The following GSE1 variants were observed in gnomAD, a reference collection of about 807,000 sequenced individuals.
GSE1 encodes genetic suppressor element 1.
A neutral mutation model predicts 112.6 loss-of-function variants in GSE1; 32 were observed. That is an observed-to-expected ratio of 0.28 (90% CI 0.21 to 0.38). The LOEUF (loss-of-function observed/expected upper bound fraction) is 0.38, where lower values mean the gene tolerates loss of function less well. GSE1 is among the 10% of genes least tolerant of loss of function. The probability of loss-of-function intolerance (pLI) is 1.00; values close to 1 mark genes in which losing one functional copy is unlikely to be tolerated. For missense variants in GSE1, 2,348 were observed against 1,699.2 expected (o/e 1.38, Z -6.71); for synonymous variants, 1,115 against 735.6 (o/e 1.52, Z -8.35).
rs548127129 is a variant in GSE1, at chr16:85,627,280, C to A, written c.8-6634C>A. On this transcript the variant is annotated intron_variant, in intron 1 of 15. Coordinates refer to ENST00000253458, the MANE Select transcript of GSE1 (RefSeq NM_014615.5). ...CGGTGCTGTGGGCTGCTGCTTCATTCTCCGTTTCCTGCCCTCTGGCTTCTG... is the reference window on the plus strand; with the variant it reads ...CGGTGCTGTGGGCTGCTGCTTCATTATCCGTTTCCTGCCCTCTGGCTTCTG... Among the ~76,000 whole-genome samples, 17 of 151,612 alleles carry A rather than the reference C, an allele frequency of 1.1e-4. No individual in the cohort carries two copies. The South Asian group carries it at 3.3e-3, about 30-fold the overall frequency.
chr16:85,416,740 G>T (rs986513553), intron 2 of GSE1, among the ~76,000 whole-genome samples: 37 of 152,358 alleles, frequency 2.4e-4, no homozygotes, highest in Non-Finnish European at 2.9e-4. Context: ...AGGTTCCCTG[G>T]GTCACGGCTG....
At chr16:85,170,657 C>T (rs1357855358) in exon 1 of GSE1, 1 of 985,582 alleles carries the variant, frequency 1.0e-6, no homozygotes, top group Non-Finnish European at 1.2e-6. Context: ...CCGCTGTCCC[C>T]GGCCTCGCAC....
intron 2 of GSE1, among the ~76,000 whole-genome samples, chr16:85,413,476 T>C (rs78679331): frequency 0.023 from 3,501 of 151,788 alleles, 144 homozygotes; most frequent in African/African-American, 0.079. Context: ...CCATCACTAA[T>C]GTCACTTACA....
chr16:85,527,652 G>A (rs887976682), intron 2 of GSE1, among the ~76,000 whole-genome samples: 13 of 152,384 alleles, frequency 8.5e-5, no homozygotes, highest in African/African-American at 2.6e-4. Flanking sequence ...GGTGGGAAGC[G>A]GGGCCGGCAG....
At chr16:85,171,500 T>G in exon 1 of GSE1, 1 of 985,606 alleles carries the variant, frequency 1.0e-6, no homozygotes, top group Non-Finnish European at 1.2e-6. Flanking sequence ...GCCCAGTGGC[T>G]GCAGCATGAG....
chr16:85,671,861 T>C (rs969312706), intron 15 of GSE1: 37 of 158,268 alleles, frequency 2.3e-4, no homozygotes, highest in Non-Finnish European at 1.4e-4. Context: ...GGGGCAGGGA[T>C]GGGAAGCAGG....
chr16:85,463,813 C>G (rs937297530), intron 2 of GSE1, among the ~76,000 whole-genome samples: 1 of 152,154 alleles, frequency 6.6e-6, no homozygotes, highest in African/African-American at 2.4e-5. Context: ...GAGCGGGACT[C>G]TGAGGCCTGG....
At chr16:85,227,693 T>C (rs1352575998) in intron 1 of GSE1, among the ~76,000 whole-genome samples, 1 of 151,734 alleles carries the variant, frequency 6.6e-6, no homozygotes, top group Non-Finnish European at 1.5e-5. Flanking sequence ...AGAGAGGAAG[T>C]GGGAGGGGAG....
At chr16:85,668,566 G>A (rs764449006) in intron 14 of GSE1, 142 bp downstream of exon 14, 133 of 637,196 alleles carry the variant, frequency 2.1e-4, no homozygotes, top group Non-Finnish European at 3.3e-4. Context: ...AATACTGGAA[G>A]TTTCTTCCGG....
In GSE1 at chr16:85,570,909, G is replaced by A. The variant is rs1010293224; in HGVS notation, c.37+14546G>A. 4.6e-5 allele frequency among the ~76,000 whole-genome samples: 7 copies of A among 152,246 alleles called. No homozygotes were observed. The South Asian group carries it at 6.2e-4, about 14-fold the overall frequency. On this transcript the variant is annotated intron_variant, in intron 1 of 2. Transcript: ENST00000635906. ...TGGAAGGATACAGGTAACTCCAGGC[G>A]CTTGGAGGATGGAAAGTTTCCTTTT...
chr16:85,513,143 G>A (rs1179419492), intron 2 of GSE1, among the ~76,000 whole-genome samples: 7 of 152,122 alleles, frequency 4.6e-5, no homozygotes, highest in African/African-American at 1.4e-4. Flanking sequence ...GCCCAGCAGG[G>A]ACCCCCCAGC....
Position 85,501,358 on chromosome 16 carries a change from C to T in GSE1, c.2465-132556C>T, listed in dbSNP as rs554653759. 4.7e-5 allele frequency among the ~76,000 whole-genome samples: 7 copies of T among 149,178 alleles called. No individual in the cohort carries two copies. In the East Asian group the frequency reaches 1.4e-3, roughly 30 times the overall value. On this transcript the variant is annotated intron_variant, in intron 2 of 2. Transcript: ENST00000637419. ...AAGATCCTGTTTCCAAATAAGGTCA[C>T]ATACACGGTTCTGGGATTAGGACTT...
chr16:85,358,756 G>A (rs770627259), intron 2 of GSE1, among the ~76,000 whole-genome samples: 15 of 152,292 alleles, frequency 9.8e-5, no homozygotes, highest in South Asian at 2.1e-4. Flanking sequence ...AGACACTGGC[G>A]GTTGAGGTCA....
At chr16:85,621,397 T>A (rs1426703927) in intron 1 of GSE1, among the ~76,000 whole-genome samples, 1 of 152,108 alleles carries the variant, frequency 6.6e-6, no homozygotes, top group African/African-American at 2.4e-5. Context: ...GGGAGTGGAG[T>A]GTGCGCTGAG....
chr16:85,437,949 T>C (rs969394919), intron 2 of GSE1, among the ~76,000 whole-genome samples: 1 of 152,200 alleles, frequency 6.6e-6, no homozygotes, highest in African/African-American at 2.4e-5. Context: ...GCATGGGGAT[T>C]AAGTCACTTA....
intron 1 of GSE1, among the ~76,000 whole-genome samples, chr16:85,580,792 A>T (rs1484677721): frequency 6.6e-6 from 1 of 152,206 alleles, no homozygotes; most frequent in Non-Finnish European, 1.5e-5. Context: ...GACCCCAGAG[A>T]GTGCGCTGTC....
intron 2 of GSE1, among the ~76,000 whole-genome samples, chr16:85,517,601 C>A (rs2051995501): frequency 7.3e-6 from 1 of 136,060 alleles, no homozygotes; most frequent in Non-Finnish European, 1.6e-5. Flanking sequence ...TCCCACGCTC[C>A]CCTCCCCCCG....
intron 1 of GSE1, among the ~76,000 whole-genome samples, chr16:85,629,908 T>G (rs562768606): frequency 6.6e-6 from 1 of 152,320 alleles, no homozygotes; most frequent in South Asian, 2.1e-4. Flanking sequence ...GCTCAGTGGC[T>G]TAAACACAAA....
At chr16:85,180,984 C>T (rs1353636611) in intron 1 of GSE1, among the ~76,000 whole-genome samples, 4 of 152,194 alleles carry the variant, frequency 2.6e-5, no homozygotes, top group African/African-American at 7.2e-5. Flanking sequence ...ACCATTTCAA[C>T]GTTTTAAGTC....
Sources: gnomAD v4.1 joint callset for allele counts (sites outside exome capture counted in the v4.1 genomes callset) on GRCh38, gnomAD v4.1.1 for gene constraint, MANE v1.5 for transcripts, NCBI Gene and HGNC (gene_info 2026-07-23, HGNC 2026-07-21) for gene names.